The following DNAH17 variants were observed in gnomAD, a reference collection of about 807,000 sequenced individuals.
The protein encoded by DNAH17 is dynein axonemal heavy chain 17, also known as axonemal beta dynein heavy chain 17.
In DNAH17, 376 loss-of-function variants were observed where a neutral mutation model predicts 485.6. The ratio of observed to expected loss-of-function variants is 0.77; its 90% CI spans 0.71 to 0.84. The LOEUF is 0.84. Ranked by LOEUF, DNAH17 falls within the 40% of genes least tolerant of loss-of-function variation. The pLI is 0.00. For missense variants in DNAH17, 6,370 were observed against 5,839.3 expected, an observed-to-expected ratio of 1.09 and a Z score of -2.96; for synonymous variants, 3,031 against 2,405.9, an observed-to-expected ratio of 1.26 and a Z score of -7.60.
At chr17:78,557,357 C>A (rs2092046787) in intron 14 of DNAH17, among the ~76,000 whole-genome samples, 1 of 152,132 alleles carries the variant, frequency 6.6e-6, no homozygotes, top group South Asian at 2.1e-4. Flanking sequence ...GGGCCTTATG[C>A]CTGTAATCCC....
Position 78,566,620 on chromosome 17 carries a change from G to T in DNAH17, c.1563C>A (p.Ser521=). The change falls in exon 11 of 81, where the codon TCC becomes TCA. Residue 521 remains serine, a synonymous_variant. Coordinates refer to ENST00000389840, the MANE Select transcript of DNAH17 (RefSeq NM_173628.4). ...GFDDCSCIKS[S]AKLLYMCGGL... ...GTCTCCACTGCATGCTTACCTTTGC[G>T]GAGGACTTGATACAGCTGCAGTCAT... 2.5e-6 allele frequency: 4 copies of T among 1,603,682 alleles called. No individual in the cohort carries two copies. The South Asian group carries it at 3.4e-5, about 14-fold the overall frequency.
At chr17:78,571,557 G>A (rs749646981) in intron 4 of DNAH17, 33 bp downstream of exon 4, 4 of 1,612,070 alleles carry the variant, frequency 2.5e-6, no homozygotes, top group Non-Finnish European at 2.5e-6. Flanking sequence ...GCTGGGACGA[G>A]GCTGCAGCCC....
In DNAH17 at chr17:78,552,796, T is replaced by C; in HGVS notation, c.2188A>G (p.Ile730Val). 6.2e-7 allele frequency: 1 copy of C among 1,609,262 alleles called. No individual in the cohort carries two copies. Among genetic ancestry groups the C allele is most frequent in the East Asian group, 2.2e-5 (1 of 44,870 alleles). Reference sequence around the variant, plus strand: ...AGTAGAAATTCTACTGCCTTCACTATAGTCTTTATCTGAAAAACAGAGGTG... The same window carrying C: ...AGTAGAAATTCTACTGCCTTCACTACAGTCTTTATCTGAAAAACAGAGGTG... ...IVGWYNEIKT[I>V]VKAVEFLLIK... Residue 730 changes from isoleucine (I) to valine (V), a missense_variant, in exon 15 of 81, where the codon ATA (isoleucine) becomes GTA (valine). By Grantham distance (29) the Ile-to-Val change is conservative. Transcript: ENST00000389840.
chr17:78,524,550 G>T (rs76976553), intron 25 of DNAH17, among the ~76,000 whole-genome samples: 1 of 152,132 alleles, frequency 6.6e-6, no homozygotes, highest in Non-Finnish European at 1.5e-5. Flanking sequence ...CACAAAGTGC[G>T]TCCTCACCAG....
chr17:78,561,160 C>T (rs2092145390), intron 12 of DNAH17, among the ~76,000 whole-genome samples: 1 of 152,134 alleles, frequency 6.6e-6, no homozygotes, highest in Admixed American at 6.5e-5. Flanking sequence ...AAATAGAACC[C>T]ACGCAGCAAC....
At chr17:78,500,700 G>T in intron 35 of DNAH17, 1 of 316,756 alleles carries the variant, frequency 3.2e-6, no homozygotes, top group South Asian at 5.9e-5. Context: ...GTAGAGATGA[G>T]GTTTTGCTAT....
rs2086590743 is a variant in DNAH17 at position 78,429,256 on chromosome 17, A to G, written c.12270T>C (p.Tyr4090=). ...CCCAGTCATCTGTGATGTGGCCGCC[A>G]TACATGATTTCACCAAAAAGGTAGC... ...DLRYLFGEIM[Y]GGHITDDWDR... Residue 4090 remains tyrosine (Y), a synonymous_variant, in exon 76 of 81, where the codon TAT becomes TAC. Coordinates refer to ENST00000389840, the MANE Select transcript of DNAH17 (RefSeq NM_173628.4). The G allele has an allele frequency of 1.2e-6, 2 of 1,613,958 alleles. No homozygotes were observed. The highest frequency in any genetic ancestry group is 1.7e-6 in the Non-Finnish European group (2 of 1,179,900).
rs1486694274 is a variant in DNAH17, at chr17:78,470,399, T to TA, written c.8512-1517dup. ...GTCTATTTGTCTTAGAAAAAAAAATTAAAAAACAGGCCGGGCACGGTGGCT... is the reference window on the plus strand; with the variant it reads ...GTCTATTTGTCTTAGAAAAAAAAATTAAAAAAACAGGCCGGGCACGGTGGCT... On this transcript the variant is annotated intron_variant, in intron 54 of 80. Transcript: ENST00000389840. Among the ~76,000 whole-genome samples the TA allele has an allele frequency of 9.5e-5, 14 of 148,030 alleles. No individual in the cohort carries two copies. The South Asian group carries it at 3.2e-3, about 33-fold the overall frequency.
At chr17:78,491,369 T>A (rs1481263742) in intron 43 of DNAH17, 74 bp downstream of exon 43, 1 of 1,554,730 alleles carries the variant, frequency 6.4e-7, no homozygotes, top group African/African-American at 1.4e-5. Flanking sequence ...GAGTGCTCCG[T>A]AGGCGCCTCC....
intron 18 of DNAH17, among the ~76,000 whole-genome samples, chr17:78,539,277 G>A (rs1179428054): frequency 6.6e-6 from 1 of 152,088 alleles, no homozygotes; most frequent in East Asian, 1.9e-4. Flanking sequence ...TAGGAAAGGG[G>A]CCATTGCCAT....
At chr17:78,502,840 C>CT (rs1184162341) in intron 32 of DNAH17, 46 bp downstream of exon 32, 1 of 1,603,058 alleles carries the variant, frequency 6.2e-7, no homozygotes, top group African/African-American at 1.3e-5. Context: ...AAACTCGCCC[C>CT]TTATCTCAGC....
chr17:78,539,606 G>A (rs937424345), intron 18 of DNAH17, 131 bp downstream of exon 18: 10 of 849,402 alleles, frequency 1.2e-5, no homozygotes, highest in Non-Finnish European at 1.5e-5. Context: ...AGGTCAAGTA[G>A]ATTGCATAAG....
intron 37 of DNAH17, among the ~76,000 whole-genome samples, chr17:78,496,482 C>T (rs978803841): frequency 2.7e-5 from 4 of 150,582 alleles, no homozygotes; most frequent in Admixed American, 6.6e-5. Context: ...GGAGGGTGGG[C>T]GCGACACTGA....
intron 15 of DNAH17, among the ~76,000 whole-genome samples, chr17:78,552,448 G>A (rs2143570860): frequency 6.6e-6 from 1 of 152,000 alleles, no homozygotes; most frequent in Non-Finnish European, 1.5e-5. Flanking sequence ...TGGGAAACTT[G>A]GAAACCTCTT....
Position 78,428,366 on chromosome 17 carries a change from C to T in DNAH17, c.12588+159G>A, listed in dbSNP as rs149531967. ...GTCTGAGGACCTGCTGACCAGCCTG[C>T]GGGCCATACCCCAGTGTTTCTGATA... On this transcript the variant is annotated intron_variant, in intron 77 of 80. Transcript: ENST00000389840. 1.7e-4 allele frequency: 143 copies of T among 856,296 alleles called. No homozygotes were observed. The East Asian group carries it at 3.2e-3, about 19-fold the overall frequency. The allele number at this position is 856,296 out of a possible 1,614,324, so 53.0% of individuals were successfully genotyped here.
chr17:78,452,020 G>A (rs1221442669), intron 65 of DNAH17, among the ~76,000 whole-genome samples: 2 of 151,840 alleles, frequency 1.3e-5, no homozygotes, highest in African/African-American at 4.8e-5. Flanking sequence ...CATTCTGGAA[G>A]CTCCCAGGAC....
Position 78,461,610 on chromosome 17 carries a change from G to T in DNAH17, c.9273C>A (p.Ala3091=). ...DQLIQVVGIE[A]EKVSKEKAIA... ...TGGCCTTCTCTTTGCTGACCTTCTC[G>T]GCCTCGATGCCGACCACCTGGATCA... The change falls in exon 58 of 81, where the codon GCC becomes GCA. Residue 3091 remains alanine (A), a synonymous_variant. Coordinates refer to ENST00000389840, the MANE Select transcript of DNAH17 (RefSeq NM_173628.4). The T allele has an allele frequency of 6.2e-7, 1 of 1,608,480 alleles. No individual in the cohort carries two copies.
In DNAH17 at chr17:78,574,959, G is replaced by T. The variant is rs376165977; in HGVS notation, c.99C>A (p.Ala33=). 2 of 1,613,996 alleles carry T rather than the reference G, an allele frequency of 1.2e-6. No homozygotes were observed. The highest frequency in any genetic ancestry group is 3.3e-5 in the Admixed American group (2 of 60,020). The change falls in exon 2 of 81, where the codon GCC becomes GCA. Residue 33 remains alanine, a synonymous_variant. Transcript: ENST00000389840. ...KPDKWSKLIG[A]EENVALFTEF... is the part of the protein sequence containing the mutation. ...CTGTGAACAGGGCCACGTTCTCCTCGGCGCCTATCAGCTTGCTCCACTTGT... is the reference window on the plus strand; with the variant it reads ...CTGTGAACAGGGCCACGTTCTCCTCTGCGCCTATCAGCTTGCTCCACTTGT...
In DNAH17 at chr17:78,471,068, G is replaced by A. The variant is rs144044585; in HGVS notation, c.8512-2185C>T. On this transcript the variant is annotated intron_variant, in intron 54 of 80. Transcript: ENST00000389840. ...TGTATTTCCAGCGTTTTGGCGATTTGCTTATCTATAATATTTAATTTAAAA... is the reference window on the plus strand; with the variant it reads ...TGTATTTCCAGCGTTTTGGCGATTTACTTATCTATAATATTTAATTTAAAA... Among the ~76,000 whole-genome samples, 45 of 152,256 alleles carry A rather than the reference G, an allele frequency of 3.0e-4. No individual in the cohort carries two copies. In the East Asian group the frequency reaches 7.7e-3, roughly 26 times the overall value.
Sources: gnomAD v4.1 joint callset for allele counts (sites outside exome capture counted in the v4.1 genomes callset) on GRCh38, gnomAD v4.1.1 for gene constraint, MANE v1.5 for transcripts, NCBI Gene and HGNC (gene_info 2026-07-23, HGNC 2026-07-21) for gene names.